IDE: variants seen among roughly 807,000 people sequenced by gnomAD.
The protein encoded by IDE is insulin-degrading enzyme.
IDE carries 58 observed loss-of-function variants against 133.2 expected under a neutral mutation model. The ratio of observed to expected loss-of-function variants is 0.44; its 90% CI spans 0.35 to 0.54. IDE has a LOEUF of 0.54. Ranked by LOEUF, IDE falls within the 20% of genes least tolerant of loss-of-function variation. IDE has a pLI of 0.00. For missense variants in IDE, 981 were observed against 1,234.0 expected (o/e 0.79, Z 3.07); for synonymous variants, 396 against 421.3 (o/e 0.94, Z 0.73).
At chr10:92,479,566 G>GA (rs1261730557) in intron 14 of IDE, 145 bp from the exon 15 acceptor site, 29 of 625,172 alleles carry the variant, frequency 4.6e-5, no homozygotes, top group South Asian at 6.5e-5. Context: ...TTCTTATGAG[G>GA]AAAAAAAAGA....
intron 1 of IDE, 81 bp downstream of exon 1, chr10:92,573,841 C>T (rs1843921394): frequency 1.0e-6 from 1 of 987,004 alleles, no homozygotes. Context: ...GCTTTAAGTG[C>T]TGAATCACCA....
At chr10:92,568,878 T>C (rs1049275913) in intron 1 of IDE, among the ~76,000 whole-genome samples, 1 of 152,046 alleles carries the variant, frequency 6.6e-6, no homozygotes, top group South Asian at 2.1e-4. Flanking sequence ...AGAGTTATAA[T>C]TGGACAGGTG....
At chr10:92,513,393 A>G (rs756862485) in intron 5 of IDE, among the ~76,000 whole-genome samples, 1 of 152,152 alleles carries the variant, frequency 6.6e-6, no homozygotes, top group Non-Finnish European at 1.5e-5. Flanking sequence ...GGGTTTCGCC[A>G]TGTTGGCTGG....
chr10:92,557,490 A>G (rs1407323643), intron 1 of IDE, among the ~76,000 whole-genome samples: 2 of 151,768 alleles, frequency 1.3e-5, no homozygotes, highest in Non-Finnish European at 2.9e-5. Flanking sequence ...AAGCCAAGAT[A>G]GTGCCACTGC....
chr10:92,556,167 G>A (rs60175335), intron 1 of IDE, among the ~76,000 whole-genome samples: 7,931 of 105,128 alleles, frequency 0.075, 853 homozygotes, highest in African/African-American at 0.26. Flanking sequence ...GTGACAGAGC[G>A]AGACTCCGTC....
Position 92,492,664 on chromosome 10 carries a change from C to T in IDE, c.1431-2069G>A, listed in dbSNP as rs986191222. On this transcript the variant is annotated intron_variant, in intron 11 of 24. Coordinates refer to ENST00000265986, the MANE Select transcript of IDE (RefSeq NM_004969.4). ...ATCTGTTCCTGCTTGTTCTCACCTA[C>T]CCCCAGAGGTTTGATTCTAGCCTCT... Among the ~76,000 whole-genome samples the T allele has an allele frequency of 2.0e-5, 3 of 152,156 alleles. 1 individual carries two copies. The highest frequency in any genetic ancestry group is 4.4e-5 in the Non-Finnish European group (3 of 68,042).
At chr10:92,498,497 T>C (rs1427119547) in intron 11 of IDE, among the ~76,000 whole-genome samples, 1 of 152,118 alleles carries the variant, frequency 6.6e-6, no homozygotes, top group Non-Finnish European at 1.5e-5. Context: ...GGCTCACACC[T>C]GTAATCCCAG....
intron 1 of IDE, among the ~76,000 whole-genome samples, chr10:92,568,885 G>C (rs768245537): frequency 6.6e-5 from 10 of 152,000 alleles, no homozygotes; most frequent in Non-Finnish European, 1.2e-4. Flanking sequence ...TAATTGGACA[G>C]GTGAGCACAG....
intron 17 of IDE, among the ~76,000 whole-genome samples, chr10:92,472,029 A>T (rs1845994167): frequency 6.6e-6 from 1 of 152,174 alleles, no homozygotes; most frequent in Non-Finnish European, 1.5e-5. Context: ...TGGATAGCTG[A>T]ATGATTTAGA....
At chr10:92,461,294 T>A (rs1845377779) in intron 21 of IDE, 42 bp from the exon 22 acceptor site, 1 of 966,504 alleles carries the variant, frequency 1.0e-6, no homozygotes, top group African/African-American at 1.6e-5. Context: ...CATTTTCATA[T>A]GAAGCAGCCC....
intron 12 of IDE, among the ~76,000 whole-genome samples, chr10:92,487,845 G>A (rs1847096567): frequency 2.0e-5 from 3 of 152,198 alleles, no homozygotes; most frequent in Non-Finnish European, 2.9e-5. Context: ...CGCCCAGGCT[G>A]GAGTGCAGTG....
intron 11 of IDE, among the ~76,000 whole-genome samples, chr10:92,497,517 T>C (rs958156752): frequency 2.6e-5 from 4 of 152,176 alleles, no homozygotes; most frequent in African/African-American, 7.2e-5. Flanking sequence ...TTGGAACCAA[T>C]CCCCTGCGGA....
chr10:92,532,152 C>T (rs1407246590), intron 3 of IDE, among the ~76,000 whole-genome samples: 1 of 150,292 alleles, frequency 6.7e-6, no homozygotes, highest in Non-Finnish European at 1.5e-5. Context: ...AGATGATAAA[C>T]AGTGAAAATT....
chr10:92,463,057 T>C (rs926065371), intron 21 of IDE, among the ~76,000 whole-genome samples: 5 of 152,148 alleles, frequency 3.3e-5, no homozygotes, highest in Non-Finnish European at 7.3e-5. Flanking sequence ...TGAGATACTC[T>C]CTGAAAGAAC....
At position 92,573,999 on chromosome 10, in the gene IDE, C is replaced by T. The variant is rs1484303631; in HGVS notation, c.21G>A (p.Trp7Ter). MRYRLAWLLHPALPSTF... is the reference protein window; with the variant it reads MRYRLA ...TGCTGGGCAGTGCGGGGTGCAGAAG[C>T]CACGCTAGCCGGTACCGCATTAGCC... The change falls in exon 1 of 25, where the codon TGG becomes TGA. Residue 7 changes from tryptophan (W) to a stop codon, truncating the protein, a stop_gained. Transcript: ENST00000265986. LOFTEE classifies it high-confidence loss of function. The T allele has an allele frequency of 1.3e-6, 2 of 1,510,648 alleles. No individual in the cohort carries two copies. Among genetic ancestry groups the T allele is most frequent in the Non-Finnish European group, 1.8e-6 (2 of 1,132,002 alleles). 93.6% of individuals were successfully genotyped at this position (1,510,648 alleles called of 1,614,324 possible). A position where few individuals can be genotyped will look rare whatever the true frequency, so the allele number is the denominator to read the frequency against.
intron 2 of IDE, among the ~76,000 whole-genome samples, chr10:92,536,995 G>A (rs189291551): frequency 1.4e-5 from 2 of 147,488 alleles, no homozygotes; most frequent in African/African-American, 2.5e-5. Flanking sequence ...CCGAGATTGC[G>A]CCACTGCACT....
At chr10:92,521,190 A>G (rs1849207197) in intron 4 of IDE, among the ~76,000 whole-genome samples, 1 of 152,212 alleles carries the variant, frequency 6.6e-6, no homozygotes, top group African/African-American at 2.4e-5. Flanking sequence ...AAAAACCAAA[A>G]TTAGGGAGGT....
intron 14 of IDE, among the ~76,000 whole-genome samples, chr10:92,481,310 C>A (rs1357614489): frequency 1.3e-5 from 2 of 152,162 alleles, no homozygotes; most frequent in African/African-American, 4.8e-5. Flanking sequence ...GGCAAGGTGG[C>A]ATACGCCTGT....
intron 22 of IDE, among the ~76,000 whole-genome samples, chr10:92,459,175 A>G (rs1845217896): frequency 6.6e-6 from 1 of 152,220 alleles, no homozygotes; most frequent in East Asian, 1.9e-4. Context: ...ATAATTTTGC[A>G]GAAGAGTTGC....
Sources: allele counts gnomAD v4.1 joint callset (sites outside exome capture counted in the v4.1 genomes callset), GRCh38; gene constraint gnomAD v4.1.1; transcripts MANE v1.5; gene names NCBI Gene and HGNC (gene_info 2026-07-23, HGNC 2026-07-21).